MDGA2: variants seen among roughly 807,000 people sequenced by gnomAD.
The protein encoded by MDGA2 is MAM domain-containing glycosylphosphatidylinositol anchor protein 2.
A neutral mutation model predicts 117.8 loss-of-function variants in MDGA2; 40 were observed. The observed-to-expected ratio is 0.34, with a 90% CI of 0.26 to 0.44. The LOEUF is 0.44. Among genes scored for constraint, MDGA2 ranks in the 20% least tolerant of loss-of-function variants. The probability of loss-of-function intolerance (pLI) is 1.00; values close to 1 mark genes in which losing one functional copy is unlikely to be tolerated. For missense variants in MDGA2, 1,123 were observed against 1,250.6 expected, an observed-to-expected ratio of 0.90 and a Z score of 1.54; for synonymous variants, 452 against 439.0, an observed-to-expected ratio of 1.03 and a Z score of -0.37.
At chr14:47,183,619 A>G (rs1413828491) in intron 3 of MDGA2, among the ~76,000 whole-genome samples, 1 of 152,124 alleles carries the variant, frequency 6.6e-6, no homozygotes, top group Non-Finnish European at 1.5e-5. Context: ...AAACACTGCA[A>G]CAATAATTAT....
intron 1 of MDGA2, among the ~76,000 whole-genome samples, chr14:47,413,352 T>A (rs1361554674): frequency 6.6e-6 from 1 of 152,170 alleles, no homozygotes; most frequent in African/African-American, 2.4e-5. Context: ...CTATTCTATG[T>A]CTCATGCATT....
At chr14:47,379,639 T>C (rs1891565923) in intron 1 of MDGA2, among the ~76,000 whole-genome samples, 1 of 152,126 alleles carries the variant, frequency 6.6e-6, no homozygotes, top group Non-Finnish European at 1.5e-5. Flanking sequence ...CATTACATAA[T>C]GGCAAAGGGA....
chr14:47,181,010 G>A (rs913105243), intron 3 of MDGA2, among the ~76,000 whole-genome samples: 1 of 152,212 alleles, frequency 6.6e-6, no homozygotes, highest in South Asian at 2.1e-4. Flanking sequence ...TATATACTTG[G>A]TAGTAGTGTA....
intron 2 of MDGA2, among the ~76,000 whole-genome samples, chr14:47,292,497 G>C (rs72682143): frequency 0.091 from 13,808 of 152,088 alleles, 773 homozygotes; most frequent in Non-Finnish European, 0.11. Flanking sequence ...ATTAGCATTA[G>C]AAGTCCATTG....
intron 6 of MDGA2, among the ~76,000 whole-genome samples, chr14:47,084,107 A>T (rs1890807042): frequency 6.6e-6 from 1 of 152,118 alleles, no homozygotes; most frequent in Non-Finnish European, 1.5e-5. Flanking sequence ...ACAACAGAAG[A>T]ATGCTTACTC....
intron 9 of MDGA2, among the ~76,000 whole-genome samples, chr14:46,926,136 A>C (rs998256365): frequency 5.9e-5 from 9 of 152,200 alleles, no homozygotes; most frequent in African/African-American, 2.2e-4. Context: ...TTTACTCTAA[A>C]GTCCAGTTAT....
intron 1 of MDGA2, among the ~76,000 whole-genome samples, chr14:47,613,659 C>T (rs1177174863): frequency 2.0e-5 from 3 of 152,094 alleles, no homozygotes; most frequent in Admixed American, 1.3e-4. Context: ...TCTGCACATA[C>T]ATTTATATAT....
intron 1 of MDGA2, among the ~76,000 whole-genome samples, chr14:47,582,940 T>C (rs1896256066): frequency 6.6e-6 from 1 of 151,914 alleles, no homozygotes; most frequent in African/African-American, 2.4e-5. Flanking sequence ...AGTGAGCAAA[T>C]GTACATCTTA....
chr14:47,437,569 G>A (rs970340694), intron 1 of MDGA2, among the ~76,000 whole-genome samples: 1 of 152,106 alleles, frequency 6.6e-6, no homozygotes, highest in African/African-American at 2.4e-5. Flanking sequence ...CCCACAGTTT[G>A]TAAATGGAAA....
At chr14:47,338,690 TCACAA>T (rs1352222585) in intron 1 of MDGA2, among the ~76,000 whole-genome samples, 1 of 152,084 alleles carries the variant, frequency 6.6e-6, no homozygotes, top group Non-Finnish European at 1.5e-5. Context: ...AACATTCTAC[TCACAA>T]CACAACAATT....
chr14:47,042,369 G>T (rs1889109376), intron 7 of MDGA2, among the ~76,000 whole-genome samples: 4 of 146,872 alleles, frequency 2.7e-5, no homozygotes, highest in Admixed American at 7.0e-5. Context: ...GCAGGTGCGT[G>T]TCTTCAAAAC....
chr14:47,608,834 G>C (rs1051819649), intron 1 of MDGA2, among the ~76,000 whole-genome samples: 19 of 152,062 alleles, frequency 1.2e-4, no homozygotes, highest in African/African-American at 4.3e-4. Context: ...GATGACATGT[G>C]ACTTGGATGA....
At chr14:47,630,862 A>G (rs1897241071) in intron 1 of MDGA2, among the ~76,000 whole-genome samples, 1 of 152,202 alleles carries the variant, frequency 6.6e-6, no homozygotes, top group Non-Finnish European at 1.5e-5. Context: ...TTCATTGTGT[A>G]CTTCCTATAT....
rs542076898 is a variant in MDGA2 at position 47,362,492 on chromosome 14, G to A, written c.281-60942C>T. Among the ~76,000 whole-genome samples, 150 of 152,122 alleles carry A rather than the reference G, an allele frequency of 9.9e-4. 1 individual carries two copies. The highest frequency in any genetic ancestry group is 4.4e-3 in the Admixed American group (67 of 15,280). Reference sequence around the variant, plus strand: ...AATTTGAGGTATTGATATTTTTAATGTGCTTAATATTATCCAGCTATTTGC... The same window carrying A: ...AATTTGAGGTATTGATATTTTTAATATGCTTAATATTATCCAGCTATTTGC... On this transcript the variant is annotated intron_variant, in intron 1 of 16. Transcript: ENST00000399232.
intron 1 of MDGA2, among the ~76,000 whole-genome samples, chr14:47,366,263 C>A (rs867923380): frequency 1.3e-5 from 2 of 152,018 alleles, no homozygotes; most frequent in Admixed American, 6.6e-5. Flanking sequence ...AAATACCAAT[C>A]CCCTTTTACA....
At chr14:47,411,068 A>G (rs780422477) in intron 1 of MDGA2, among the ~76,000 whole-genome samples, 8 of 152,152 alleles carry the variant, frequency 5.3e-5, no homozygotes, top group Non-Finnish European at 8.8e-5. Flanking sequence ...TCTGTTTCCT[A>G]TAGACAGGTA....
At chr14:47,251,520 C>G (rs1887446088) in intron 2 of MDGA2, among the ~76,000 whole-genome samples, 2 of 152,106 alleles carry the variant, frequency 1.3e-5, no homozygotes, top group Middle Eastern at 3.4e-3. Flanking sequence ...AACTCATTAC[C>G]CCCGAAGTAT....
intron 10 of MDGA2, among the ~76,000 whole-genome samples, chr14:46,886,314 A>T (rs1388159723): frequency 6.6e-6 from 1 of 152,152 alleles, no homozygotes; most frequent in Non-Finnish European, 1.5e-5. Flanking sequence ...TGGAATATAA[A>T]ATATAGCATG....
chr14:47,288,447 A>T (rs950993653), intron 2 of MDGA2, among the ~76,000 whole-genome samples: 4 of 152,164 alleles, frequency 2.6e-5, no homozygotes, highest in Non-Finnish European at 1.5e-5. Flanking sequence ...CAGATGCACA[A>T]AAGTTAATTT....
Sources: gnomAD v4.1 joint callset for allele counts (sites outside exome capture counted in the v4.1 genomes callset) on GRCh38, gnomAD v4.1.1 for gene constraint, MANE v1.5 for transcripts, NCBI Gene and HGNC (gene_info 2026-07-23, HGNC 2026-07-21) for gene names.